The following ZBTB20 variants were observed in gnomAD, a reference collection of about 807,000 sequenced individuals.
ZBTB20 encodes the protein zinc finger and BTB domain-containing protein 20.
A neutral mutation model predicts 56.9 loss-of-function variants in ZBTB20; 9 were observed. The observed-to-expected ratio is 0.16, with a 90% CI of 0.10 to 0.28. The LOEUF (loss-of-function observed/expected upper bound fraction) is 0.28, where lower values mean the gene tolerates loss of function less well. Among genes scored for constraint, ZBTB20 ranks in the 10% least tolerant of loss-of-function variants. The probability of loss-of-function intolerance (pLI) is 1.00; values close to 1 mark genes in which losing one functional copy is unlikely to be tolerated. For missense variants in ZBTB20, 655 were observed against 1,003.0 expected (o/e 0.65, Z 4.69); for synonymous variants, 417 against 420.7 (o/e 0.99, Z 0.11).
At chr3:114,737,536 A>T (rs2066265399) in intron 5 of ZBTB20, among the ~76,000 whole-genome samples, 1 of 152,112 alleles carries the variant, frequency 6.6e-6, no homozygotes, top group African/African-American at 2.4e-5. Flanking sequence ...ACTAAACAGA[A>T]CCAAAACTGC....
intron 1 of ZBTB20, among the ~76,000 whole-genome samples, chr3:115,126,399 G>A (rs2084333436): frequency 6.6e-6 from 1 of 152,036 alleles, no homozygotes; most frequent in Non-Finnish European, 1.5e-5. Context: ...CAAGAAACAT[G>A]TGCAAGAATG....
chr3:114,968,248 T>A (rs1177750596), intron 3 of ZBTB20, among the ~76,000 whole-genome samples: 1 of 152,160 alleles, frequency 6.6e-6, no homozygotes, highest in African/African-American at 2.4e-5. Context: ...AAATAAAATG[T>A]TCTTTAAAAA....
Position 114,879,308 on chromosome 3 carries a change from TGAGTGCTG to T in ZBTB20, c.-417+20988_-417+20995del, listed in dbSNP as rs1291421059. Among the ~76,000 whole-genome samples, 3 of 152,176 alleles carry T rather than the reference TGAGTGCTG, an allele frequency of 2.0e-5. No homozygotes were observed. In the East Asian group the frequency reaches 5.8e-4, roughly 29 times the overall value. ...AGAAGCCTGAGTTATGGGGACTGTATGAGTGCTGGAGTGCTGGCATAAACCAACTCTGC... is the reference window on the plus strand; with the variant it reads ...AGAAGCCTGAGTTATGGGGACTGTATGAGTGCTGGCATAAACCAACTCTGC... On this transcript the variant is annotated intron_variant, in intron 4 of 11. Coordinates refer to ENST00000675478, the MANE Select transcript of ZBTB20 (RefSeq NM_001348800.3).
chr3:114,665,066 G>A (rs1210530851), intron 6 of ZBTB20, among the ~76,000 whole-genome samples: 1 of 152,050 alleles, frequency 6.6e-6, no homozygotes, highest in Non-Finnish European at 1.5e-5. Context: ...GTGCAGAAAG[G>A]TGCCAGTGCA....
At chr3:114,782,922 A>G (rs1343711028) in intron 5 of ZBTB20, among the ~76,000 whole-genome samples, 1 of 152,192 alleles carries the variant, frequency 6.6e-6, no homozygotes, top group East Asian at 1.9e-4. Context: ...ATTGGCTATT[A>G]TTTGATGCAT....
chr3:114,498,242 T>C (rs895703408), intron 7 of ZBTB20, among the ~76,000 whole-genome samples: 4 of 152,212 alleles, frequency 2.6e-5, no homozygotes, highest in Non-Finnish European at 4.4e-5. Flanking sequence ...TAAACAGTAA[T>C]GGAATGGGAA....
intron 6 of ZBTB20, among the ~76,000 whole-genome samples, chr3:114,574,970 C>T (rs529960804): frequency 1.2e-4 from 18 of 152,134 alleles, no homozygotes; most frequent in African/African-American, 4.1e-4. Flanking sequence ...GACAGGGAGA[C>T]ACAATGTGGA....
chr3:114,979,515 A>T (rs1375328538), intron 2 of ZBTB20, among the ~76,000 whole-genome samples: 1 of 152,068 alleles, frequency 6.6e-6, no homozygotes, highest in Non-Finnish European at 1.5e-5. Context: ...TAATTGTTTC[A>T]ATGGACATTA....
intron 3 of ZBTB20, among the ~76,000 whole-genome samples, chr3:114,968,597 A>T (rs1307490972): frequency 6.6e-6 from 1 of 152,194 alleles, no homozygotes; most frequent in African/African-American, 2.4e-5. Flanking sequence ...TGATCAGAAG[A>T]CAAAAATACT....
At chr3:114,662,569 G>A (rs2060799328) in intron 6 of ZBTB20, among the ~76,000 whole-genome samples, 1 of 142,334 alleles carries the variant, frequency 7.0e-6, no homozygotes, top group Non-Finnish European at 1.5e-5. Flanking sequence ...AGCACCTGTT[G>A]TTTCCTGACT....
intron 5 of ZBTB20, among the ~76,000 whole-genome samples, chr3:114,759,905 G>T (rs1176852701): frequency 6.6e-6 from 1 of 152,084 alleles, no homozygotes; most frequent in Non-Finnish European, 1.5e-5. Flanking sequence ...TAAAAATAAG[G>T]ATTTCTAACA....
rs1360496839 is a variant in ZBTB20, at chr3:114,735,825, T to C, written c.-342-42250A>G. Among the ~76,000 whole-genome samples, 2 of 152,072 alleles carry C rather than the reference T, an allele frequency of 1.3e-5. 1 individual carries two copies. Among genetic ancestry groups the C allele is most frequent in the African/African-American group, 4.8e-5 (2 of 41,422 alleles). ...TTTTCTTAATATTAACCAACATTACTTATAGTTAGGAACAGAGTGAGCCAA... is the reference window on the plus strand; with the variant it reads ...TTTTCTTAATATTAACCAACATTACCTATAGTTAGGAACAGAGTGAGCCAA... On this transcript the variant is annotated intron_variant, in intron 5 of 11. Coordinates refer to ENST00000675478, the MANE Select transcript of ZBTB20 (RefSeq NM_001348800.3).
At chr3:115,147,116 C>T (rs1281090258) in intron 1 of ZBTB20, 103 bp downstream of exon 1, 2 of 147,204 alleles carry the variant, frequency 1.4e-5, no homozygotes, top group African/African-American at 5.0e-5. Flanking sequence ...GTCCCGCCGC[C>T]CCCCACTCCA....
chr3:114,588,608 C>T (rs1432444873), intron 6 of ZBTB20, among the ~76,000 whole-genome samples: 1 of 152,022 alleles, frequency 6.6e-6, no homozygotes, highest in African/African-American at 2.4e-5. Context: ...TTAATAGCTA[C>T]TGAAAAATCC....
In ZBTB20 at chr3:114,329,817, G is replaced by T. The variant is rs976458426; in HGVS notation, c.*9188C>A. 6.7e-6 allele frequency: 1 copy of T among 150,352 alleles called. No individual in the cohort carries two copies. The highest frequency in any genetic ancestry group is 2.1e-4 in the South Asian group (1 of 4,744). The allele number at this position is 150,352 out of a possible 1,614,324, so 9.3% of individuals were successfully genotyped here. On this transcript the variant is annotated 3_prime_UTR_variant, in exon 12 of 12. Transcript: ENST00000675478. ...AAGACTAGTTAAAATAATTCTAAGC[G>T]TATTGAAAAAAGAAAGTGTAAAGAT... is the stretch of plus-strand genomic sequence containing the variant.
intron 4 of ZBTB20, among the ~76,000 whole-genome samples, chr3:114,865,668 G>A (rs183211145): frequency 7.2e-5 from 11 of 152,124 alleles, no homozygotes; most frequent in Non-Finnish European, 1.5e-4. Flanking sequence ...GTAACATTAC[G>A]AATATGTTAG....
At chr3:114,605,771 A>G (rs2057097433) in intron 6 of ZBTB20, among the ~76,000 whole-genome samples, 1 of 152,146 alleles carries the variant, frequency 6.6e-6, no homozygotes, top group Admixed American at 6.5e-5. Context: ...TAAAGGATGG[A>G]AGAAGTTAAC....
intron 6 of ZBTB20, among the ~76,000 whole-genome samples, chr3:114,692,091 G>C (rs892156575): frequency 2.0e-5 from 3 of 152,136 alleles, no homozygotes; most frequent in African/African-American, 7.2e-5. Context: ...GTGTTGGACA[G>C]CAATAGGGAA....
intron 10 of ZBTB20, among the ~76,000 whole-genome samples, chr3:114,379,810 T>C (rs1382153527): frequency 6.6e-6 from 1 of 152,172 alleles, no homozygotes; most frequent in Non-Finnish European, 1.5e-5. Flanking sequence ...CAAATCTGAC[T>C]TGTGTTATGT....
Sources: gnomAD v4.1 joint callset for allele counts (sites outside exome capture counted in the v4.1 genomes callset) on GRCh38, gnomAD v4.1.1 for gene constraint, MANE v1.5 for transcripts, NCBI Gene and HGNC (gene_info 2026-07-23, HGNC 2026-07-21) for gene names.